LRP1B: variants seen among roughly 807,000 people sequenced by gnomAD.
LRP1B encodes the protein LDL receptor related protein 1B.
LRP1B carries 217 observed loss-of-function variants against 556.6 expected under a neutral mutation model. The ratio of observed to expected loss-of-function variants is 0.39; its 90% confidence interval spans 0.35 to 0.44. The LOEUF is 0.44. Among genes scored for constraint, LRP1B ranks in the 20% least tolerant of loss-of-function variants. LRP1B has a pLI of 1.00. For missense variants in LRP1B, 5,053 were observed against 5,620.8 expected, an observed-to-expected ratio of 0.90 and a Z score of 3.23; for synonymous variants, 2,047 against 1,865.8, an observed-to-expected ratio of 1.10 and a Z score of -2.50.
At chr2:141,969,464 C>A (rs1558993821) in intron 1 of LRP1B, among the ~76,000 whole-genome samples, 1 of 151,602 alleles carries the variant, frequency 6.6e-6, no homozygotes, top group African/African-American at 2.4e-5. Context: ...TTCTCTGGTT[C>A]TATTATTTCT....
intron 43 of LRP1B, among the ~76,000 whole-genome samples, chr2:140,559,230 T>C (rs148579341): frequency 6.6e-6 from 1 of 152,066 alleles, no homozygotes; most frequent in Non-Finnish European, 1.5e-5. Context: ...ACCGAAAATT[T>C]CCAAGCCTCC....
chr2:141,500,619 A>G (rs1224349288), intron 2 of LRP1B, among the ~76,000 whole-genome samples: 1 of 152,184 alleles, frequency 6.6e-6, no homozygotes, highest in African/African-American at 2.4e-5. Flanking sequence ...GATAAACTAT[A>G]GAAGGAATAT....
chr2:140,760,474 A>C (rs1688880258), intron 35 of LRP1B, among the ~76,000 whole-genome samples: 2 of 152,228 alleles, frequency 1.3e-5, no homozygotes, highest in Admixed American at 1.3e-4. Flanking sequence ...TCAAATTATC[A>C]GTACTAGGGC....
intron 2 of LRP1B, among the ~76,000 whole-genome samples, chr2:141,787,236 A>T (rs1003219670): frequency 6.6e-6 from 1 of 151,948 alleles, no homozygotes; most frequent in African/African-American, 2.4e-5. Flanking sequence ...TTCCACTCCT[A>T]GAAGTTCAAT....
At chr2:140,971,453 C>T (rs1289583896) in intron 18 of LRP1B, among the ~76,000 whole-genome samples, 1 of 152,194 alleles carries the variant, frequency 6.6e-6, no homozygotes, top group African/African-American at 2.4e-5. Flanking sequence ...TAAGCCACCA[C>T]ATTTGCAACA....
At chr2:140,484,223 G>T (rs570698616) in intron 59 of LRP1B, among the ~76,000 whole-genome samples, 6 of 152,044 alleles carry the variant, frequency 3.9e-5, no homozygotes, top group Non-Finnish European at 1.5e-5. Context: ...ACAAAAATAC[G>T]TGCACAGTAC....
intron 43 of LRP1B, among the ~76,000 whole-genome samples, chr2:140,597,325 C>T (rs1414358328): frequency 1.3e-5 from 2 of 151,828 alleles, no homozygotes; most frequent in African/African-American, 4.8e-5. Flanking sequence ...GCTATAATTA[C>T]CATACATAAG....
chr2:142,010,726 C>T (rs939289783), intron 1 of LRP1B, among the ~76,000 whole-genome samples: 1 of 152,080 alleles, frequency 6.6e-6, no homozygotes, highest in Non-Finnish European at 1.5e-5. Context: ...GAATCACTTA[C>T]ATTAACCAAC....
chr2:140,712,578 T>C (rs185686161), intron 37 of LRP1B, among the ~76,000 whole-genome samples: 14 of 152,128 alleles, frequency 9.2e-5, no homozygotes, highest in African/African-American at 2.9e-4. Flanking sequence ...CCTATGAATA[T>C]GTGCAATATC....
chr2:140,505,108 T>G (rs146529413), intron 53 of LRP1B, among the ~76,000 whole-genome samples: 1 of 152,326 alleles, frequency 6.6e-6, no homozygotes, highest in African/African-American at 2.4e-5. Context: ...CCATCTCAAT[T>G]TACAGTCTTT....
At chr2:142,128,398 G>T (rs1388850783) in intron 1 of LRP1B, among the ~76,000 whole-genome samples, 1 of 152,160 alleles carries the variant, frequency 6.6e-6, no homozygotes, top group Non-Finnish European at 1.5e-5. Flanking sequence ...ATTCAAGGAC[G>T]ATTGACATAA....
At position 141,588,963 on chromosome 2, in the gene LRP1B, T is replaced by C. The variant is rs72855445; in HGVS notation, c.206-108430A>G. On this transcript the variant is annotated intron_variant, in intron 2 of 90. Coordinates refer to ENST00000389484, the MANE Select transcript of LRP1B (RefSeq NM_018557.3). ...CAATCTTAATCATGCCAGAAAAATG[T>C]TGTAATATATTTAGCCACAAGTAGA... Among the ~76,000 whole-genome samples the C allele has an allele frequency of 4.4e-3, 634 of 144,818 alleles. 4 individuals carry two copies. The highest frequency in any genetic ancestry group is 8.2e-3 in the Non-Finnish European group (522 of 63,610).
chr2:141,866,089 A>AC (rs759206085), intron 1 of LRP1B, among the ~76,000 whole-genome samples: 77 of 152,042 alleles, frequency 5.1e-4, no homozygotes, highest in Non-Finnish European at 1.0e-3. Flanking sequence ...GATTTTAGTG[A>AC]CCCCCCAGGG....
chr2:140,339,850 AC>A (rs1681282475), intron 77 of LRP1B, among the ~76,000 whole-genome samples: 1 of 151,564 alleles, frequency 6.6e-6, no homozygotes, highest in Non-Finnish European at 1.5e-5. Context: ...ATTAAAAAAA[AC>A]TATTGCAGAG....
At chr2:141,957,384 G>GTGT (rs748572128) in intron 1 of LRP1B, among the ~76,000 whole-genome samples, 7 of 39,672 alleles carry the variant, frequency 1.8e-4, no homozygotes, top group African/African-American at 3.3e-4. Context: ...TTGTGTGTGT[G>GTGT]GGGGGGGGGG....
intron 41 of LRP1B, among the ~76,000 whole-genome samples, chr2:140,625,765 A>C (rs945330763): frequency 6.6e-6 from 1 of 152,208 alleles, no homozygotes; most frequent in African/African-American, 2.4e-5. Context: ...ACTCTCCTTC[A>C]CTGCTGATAA....
At chr2:140,544,438 A>G (rs565128809) in intron 43 of LRP1B, among the ~76,000 whole-genome samples, 1 of 151,940 alleles carries the variant, frequency 6.6e-6, no homozygotes, top group South Asian at 2.1e-4. Flanking sequence ...CCCACTGATT[A>G]TTTTCATTAT....
At chr2:140,627,419 C>T (rs1683703869) in intron 41 of LRP1B, among the ~76,000 whole-genome samples, 1 of 152,250 alleles carries the variant, frequency 6.6e-6, no homozygotes, top group East Asian at 1.9e-4. Flanking sequence ...GTGCTGAATG[C>T]TTCCTGCCCT....
chr2:141,543,752 T>C (rs993045722), intron 2 of LRP1B, among the ~76,000 whole-genome samples: 1 of 150,842 alleles, frequency 6.6e-6, no homozygotes, highest in African/African-American at 2.4e-5. Context: ...AAAAAACAAA[T>C]ACACAGATAA....
Sources: allele counts gnomAD v4.1 joint callset (sites outside exome capture counted in the v4.1 genomes callset), GRCh38; gene constraint gnomAD v4.1.1; transcripts MANE v1.5; gene names NCBI Gene and HGNC (gene_info 2026-07-23, HGNC 2026-07-21).